PLXDC1: variants seen among roughly 807,000 people sequenced by gnomAD.
PLXDC1 encodes the protein plexin domain-containing protein 1.
Under a neutral mutation model 61.3 loss-of-function variants are expected in PLXDC1, and 39 were observed. The ratio of observed to expected loss-of-function variants is 0.64; its 90% confidence interval spans 0.49 to 0.83. PLXDC1 has a LOEUF of 0.83. Among genes scored for constraint, PLXDC1 ranks in the 40% least tolerant of loss-of-function variants. PLXDC1 has a pLI of 0.00. For missense variants in PLXDC1, 596 were observed against 666.5 expected (o/e 0.89, Z 1.17); for synonymous variants, 212 against 254.5 (o/e 0.83, Z 1.59).
At chr17:39,131,333 C>T (rs1403364012) in intron 2 of PLXDC1, among the ~76,000 whole-genome samples, 1 of 151,274 alleles carries the variant, frequency 6.6e-6, no homozygotes, top group African/African-American at 2.4e-5. Flanking sequence ...TTTCTTCTCA[C>T]AGAATCTCTT....
intron 7 of PLXDC1, among the ~76,000 whole-genome samples, chr17:39,091,169 T>C (rs1481590218): frequency 5.3e-5 from 8 of 152,288 alleles, no homozygotes. Context: ...TTGCCACCAC[T>C]GGAGAATGAG....
In PLXDC1 at chr17:39,151,455, G is replaced by GC; in HGVS notation, c.-19dup. The GC allele has an allele frequency of 8.0e-7, 1 of 1,250,564 alleles. No individual in the cohort carries two copies. The highest frequency in any genetic ancestry group is 4.2e-5 in the Admixed American group (1 of 23,958). The allele number at this position is 1,250,564 out of a possible 1,614,324, so 77.5% of individuals were successfully genotyped here. ...CCTCGCATGGTGGGTGCCCGGACCTGCCCCCGGCCTGCTTGCTGCCCCGGT... is the reference window on the plus strand; with the variant it reads ...CCTCGCATGGTGGGTGCCCGGACCTGCCCCCCGGCCTGCTTGCTGCCCCGGT... On this transcript the variant is annotated 5_prime_UTR_variant, in exon 1 of 14. Transcript: ENST00000315392. The surrounding 1 kb of genome is among the most constrained non-coding windows in gnomAD (Gnocchi z 5.2).
chr17:39,133,445 C>T (rs1051190158), intron 2 of PLXDC1, among the ~76,000 whole-genome samples: 1 of 152,164 alleles, frequency 6.6e-6, no homozygotes, highest in Non-Finnish European at 1.5e-5. Flanking sequence ...CAGGGACAAT[C>T]ACACCAGGCA....
chr17:39,064,772 T>C lies in PLXDC1; in HGVS notation c.*3068A>G, dbSNP rs1360822245. 1 of 151,684 alleles carries C rather than the reference T, an allele frequency of 6.6e-6. No homozygotes were observed. Among genetic ancestry groups the C allele is most frequent in the Non-Finnish European group, 1.5e-5 (1 of 68,002 alleles). 9.4% of individuals were successfully genotyped at this position (151,684 alleles called of 1,614,324 possible). On this transcript the variant is annotated 3_prime_UTR_variant, in exon 14 of 14. Transcript: ENST00000315392. ...AAGAGCTGAGGGTGGAGTAGGGGGG[T>C]GCCGGTGGAAGGAGGGTCTGAATTT...
At chr17:39,147,940 G>A (rs1478382893) in intron 1 of PLXDC1, among the ~76,000 whole-genome samples, 1 of 152,190 alleles carries the variant, frequency 6.6e-6, no homozygotes, top group East Asian at 1.9e-4. Context: ...ATCAGACAGA[G>A]GAAAGGGTTG....
intron 2 of PLXDC1, among the ~76,000 whole-genome samples, chr17:39,120,606 G>GTTTTT (rs34244449): frequency 1.4e-4 from 19 of 132,748 alleles, no homozygotes; most frequent in South Asian, 2.4e-4. Flanking sequence ...TTTATTTTAG[G>GTTTTT]TTTTTTTTTT....
intron 2 of PLXDC1, among the ~76,000 whole-genome samples, chr17:39,135,145 T>C (rs1039000005): frequency 6.6e-6 from 1 of 152,232 alleles, no homozygotes; most frequent in African/African-American, 2.4e-5. Context: ...GTTCCTGACC[T>C]GACATCTGCA....
chr17:39,094,511 C>T (rs1910071605), intron 7 of PLXDC1, among the ~76,000 whole-genome samples: 1 of 152,000 alleles, frequency 6.6e-6, no homozygotes, highest in Admixed American at 6.6e-5. Flanking sequence ...CGGCCCCACT[C>T]TGAGTCTACA....
At chr17:39,140,215 C>T (rs1911891023) in intron 1 of PLXDC1, among the ~76,000 whole-genome samples, 1 of 152,206 alleles carries the variant, frequency 6.6e-6, no homozygotes, top group African/African-American at 2.4e-5. Context: ...ACTGGAGTCA[C>T]CTGGACAGCT....
At chr17:39,128,173 G>GTGTATATGTATATATGTA (rs1555573220) in intron 2 of PLXDC1, among the ~76,000 whole-genome samples, 2 of 89,060 alleles carry the variant, frequency 2.2e-5, no homozygotes, top group African/African-American at 3.8e-5. Flanking sequence ...GTATATATAT[G>GTGTATATGTATATATGTA]TATATATATA....
intron 7 of PLXDC1, among the ~76,000 whole-genome samples, chr17:39,088,966 AG>A (rs1457297926): frequency 9.4e-5 from 11 of 117,616 alleles, no homozygotes; most frequent in Admixed American, 4.7e-4. Context: ...AAAAAAAAAG[AG>A]AGAGAGAGAA....
chr17:39,138,553 G>T (rs1911828072), intron 2 of PLXDC1, among the ~76,000 whole-genome samples: 1 of 152,072 alleles, frequency 6.6e-6, no homozygotes, highest in Non-Finnish European at 1.5e-5. Flanking sequence ...CCTAAAACCA[G>T]TGCACAGAGA....
At chr17:39,130,454 A>G (rs801248) in intron 2 of PLXDC1, among the ~76,000 whole-genome samples, 57,087 of 152,008 alleles carry the variant, frequency 0.38, 10,886 homozygotes, top group East Asian at 0.5. Flanking sequence ...CCCTTTCTCA[A>G]GAACAAAAAC....
At chr17:39,079,619 G>A (rs1029376810) in intron 9 of PLXDC1, 4 of 450,192 alleles carry the variant, frequency 8.9e-6, no homozygotes, top group Admixed American at 4.7e-5. Flanking sequence ...CATTTCTGAC[G>A]GTCCTGCCAG....
Position 39,064,075 on chromosome 17 carries a change from C to G in PLXDC1, c.*3765G>C, listed in dbSNP as rs1173349817. On this transcript the variant is annotated 3_prime_UTR_variant, in exon 14 of 14. Coordinates refer to ENST00000315392, the MANE Select transcript of PLXDC1 (RefSeq NM_020405.5). The stretch of plus-strand genomic sequence containing the variant: ...TCCAATCTCTTTAGCAACAAAATAC[C>G]TGTGTGTGCATATCTTATTGCTCAA... 6.4e-6 allele frequency: 1 copy of G among 155,452 alleles called. No homozygotes were observed. Among genetic ancestry groups the G allele is most frequent in the Non-Finnish European group, 1.4e-5 (1 of 69,902 alleles). 9.6% of individuals were successfully genotyped at this position (155,452 alleles called of 1,614,324 possible). A position where few individuals can be genotyped will look rare whatever the true frequency, so the allele number is the denominator to read the frequency against.
chr17:39,122,446 G>A (rs1435840359), intron 2 of PLXDC1, among the ~76,000 whole-genome samples: 1 of 148,726 alleles, frequency 6.7e-6, no homozygotes, highest in Non-Finnish European at 1.5e-5. Flanking sequence ...ATGCAGATGT[G>A]ATGGTGGGAG....
At chr17:39,078,156 T>C in intron 10 of PLXDC1, 108 bp from the exon 11 acceptor site, 3 of 1,135,746 alleles carry the variant, frequency 2.6e-6, no homozygotes, top group Non-Finnish European at 3.7e-6. Flanking sequence ...CTTCAAATCC[T>C]TCCTCAAGGA....
At chr17:39,134,786 C>T (rs977187539) in intron 2 of PLXDC1, among the ~76,000 whole-genome samples, 2 of 152,104 alleles carry the variant, frequency 1.3e-5, no homozygotes, top group Non-Finnish European at 2.9e-5. Context: ...AGCTGCCCTC[C>T]CCTGGACTCT....
At chr17:39,079,251 TAGTG>T (rs1909462339) in intron 9 of PLXDC1, 87 bp from the exon 10 acceptor site, 1 of 1,191,996 alleles carries the variant, frequency 8.4e-7, no homozygotes, top group Non-Finnish European at 1.2e-6. Context: ...TCTCTGCTGA[TAGTG>T]AGAAGAGGAG....
Sources: allele counts gnomAD v4.1 joint callset (sites outside exome capture counted in the v4.1 genomes callset), GRCh38; gene constraint gnomAD v4.1.1; non-coding constraint Gnocchi (gnomAD v3.1); transcripts MANE v1.5; gene names NCBI Gene and HGNC (gene_info 2026-07-23, HGNC 2026-07-21).